Variants in KALRN observed in about 807,000 individuals in gnomAD.
KALRN encodes kalirin RhoGEF kinase, also known as kalirin.
A neutral mutation model predicts 353.7 loss-of-function variants in KALRN; 70 were observed. That is an observed-to-expected ratio of 0.20 (90% CI 0.16 to 0.24). KALRN has a LOEUF of 0.24. Among genes scored for constraint, KALRN ranks in the 10% least tolerant of loss-of-function variants. The pLI is 1.00. For missense variants in KALRN, 2,791 were observed against 3,756.7 expected, an observed-to-expected ratio of 0.74 and a Z score of 6.72; for synonymous variants, 1,391 against 1,434.8, an observed-to-expected ratio of 0.97 and a Z score of 0.69.
intron 13 of KALRN, among the ~76,000 whole-genome samples, chr3:124,408,501 T>C (rs572920351): frequency 3.3e-5 from 5 of 152,226 alleles, no homozygotes; most frequent in Non-Finnish European, 5.9e-5. Flanking sequence ...TTTCCTCCTA[T>C]AGTGCTATGA....
At position 124,574,559 on chromosome 3, in the gene KALRN, A is replaced by G. The variant is rs73191604; in HGVS notation, c.5182+11470A>G. 2.2e-3 allele frequency among the ~76,000 whole-genome samples: 338 copies of G among 152,310 alleles called. 2 individuals are homozygous for G. Among genetic ancestry groups the G allele is most frequent in the Admixed American group, 0.015 (236 of 15,308 alleles). On this transcript the variant is annotated intron_variant, in intron 34 of 59. Transcript: ENST00000682506. ...AGCTCAGAGCTAAAATGAGAGCCTC[A>G]GGATTTGATCCCAGAGAAGAAAGGC...
intron 37 of KALRN, 55 bp from the exon 38 acceptor site, chr3:124,650,753 T>C: frequency 6.4e-7 from 1 of 1,566,104 alleles, no homozygotes; most frequent in South Asian, 1.1e-5. Flanking sequence ...GACACAGGGA[T>C]TCCAAATGAC....
chr3:124,521,817 C>A (rs931441171), intron 33 of KALRN, among the ~76,000 whole-genome samples: 2 of 152,036 alleles, frequency 1.3e-5, no homozygotes, highest in African/African-American at 4.8e-5. Flanking sequence ...GTGTTTTGGT[C>A]TCACCCCAAT....
chr3:124,522,241 A>C (rs115341590), intron 33 of KALRN, among the ~76,000 whole-genome samples: 2 of 152,004 alleles, frequency 1.3e-5, no homozygotes, highest in Non-Finnish European at 2.9e-5. Context: ...ATACATATGT[A>C]AGACCTTCCT....
At chr3:124,438,239 G>A (rs905302914) in intron 17 of KALRN, among the ~76,000 whole-genome samples, 1 of 152,106 alleles carries the variant, frequency 6.6e-6, no homozygotes, top group Non-Finnish European at 1.5e-5. Flanking sequence ...AGGTCACTTA[G>A]CATGACCTCT....
chr3:124,277,417 G>T lies in KALRN; in HGVS notation c.969+8162G>T, dbSNP rs905988119. Among the ~76,000 whole-genome samples, 5 of 152,000 alleles carry T rather than the reference G, an allele frequency of 3.3e-5. No individual in the cohort carries two copies. The South Asian group carries it at 1.0e-3, about 32-fold the overall frequency. On this transcript the variant is annotated intron_variant, in intron 5 of 59. Transcript: ENST00000682506. ...GGGCAAGGAAGTGTGTCTGTATCCC[G>T]CCCCCTGACACAGAACACAGTGTCC...
At chr3:124,043,777 G>A (rs949627448) in intron 1 of KALRN, among the ~76,000 whole-genome samples, 8 of 152,188 alleles carry the variant, frequency 5.3e-5, no homozygotes, top group African/African-American at 1.9e-4. Flanking sequence ...CCGTTTAAAA[G>A]TGCTGGTGGC....
intron 1 of KALRN, chr3:124,162,859 G>A (rs2070198540): frequency 6.6e-6 from 1 of 152,196 alleles, no homozygotes; most frequent in Non-Finnish European, 1.5e-5. Flanking sequence ...TCATGTGTAG[G>A]AAGTGAAGTG....
At chr3:124,384,726 G>C in intron 10 of KALRN, 119 bp from the exon 11 acceptor site, 1 of 1,000,528 alleles carries the variant, frequency 1.0e-6, no homozygotes, top group Non-Finnish European at 1.4e-6. Context: ...CTCAGTGCCA[G>C]ATCAGGGAGC....
intron 10 of KALRN, among the ~76,000 whole-genome samples, chr3:124,379,583 C>G (rs2087047569): frequency 6.6e-6 from 1 of 152,226 alleles, no homozygotes; most frequent in Non-Finnish European, 1.5e-5. Flanking sequence ...AGTTCTCATT[C>G]TAAGTCTACT....
chr3:124,377,790 A>G (rs1047982963), intron 10 of KALRN, among the ~76,000 whole-genome samples: 12 of 152,160 alleles, frequency 7.9e-5, no homozygotes, highest in African/African-American at 2.9e-4. Flanking sequence ...TTATCAAATG[A>G]TAATATTATT....
chr3:124,355,532 T>G (rs2083290583), intron 10 of KALRN, among the ~76,000 whole-genome samples: 1 of 152,140 alleles, frequency 6.6e-6, no homozygotes, highest in Admixed American at 6.5e-5. Flanking sequence ...ATAAAAGGTA[T>G]AGTGAAGCCA....
intron 1 of KALRN, among the ~76,000 whole-genome samples, chr3:124,102,411 G>C (rs986660671): frequency 3.3e-5 from 5 of 152,028 alleles, no homozygotes; most frequent in Admixed American, 2.6e-4. Flanking sequence ...CAACCTCTTA[G>C]CCCTGATGTC....
intron 3 of KALRN, among the ~76,000 whole-genome samples, chr3:124,248,501 C>G (rs1373610): frequency 0.048 from 7,292 of 152,254 alleles, 716 homozygotes; most frequent in East Asian, 0.44. Context: ...CACCAAGGAG[C>G]TATATTCTTG....
chr3:124,496,382 G>T lies in KALRN; in HGVS notation c.4904G>T (p.Arg1635Met), dbSNP rs1354441367. The change falls in exon 33 of 60, where the codon AGG becomes ATG. Residue 1635 changes from arginine (R) to methionine (M), a missense_variant. Physicochemically the swap from Arg to Met is moderately conservative, Grantham distance 91. This residue lies in a region of KALRN where 239 missense variants were observed against 351.3 expected (regional missense o/e 0.68). Coordinates refer to ENST00000682506, the MANE Select transcript of KALRN (RefSeq NM_001388419.1). Reference sequence around the variant, plus strand: ...CCAGACACCATCTCCATTGCTTCTAGGACCTCTCAGAACACAGTGGACAGT... The same window carrying T: ...CCAGACACCATCTCCATTGCTTCTATGACCTCTCAGAACACAGTGGACAGT... ...SQPDTISIAS[R>M]TSQNTVDSDK... The T allele has an allele frequency of 2.5e-6, 4 of 1,613,490 alleles. 1 individual carries two copies. In the South Asian group the frequency reaches 4.4e-5, roughly 18 times the overall value.
intron 34 of KALRN, among the ~76,000 whole-genome samples, chr3:124,605,582 A>G (rs1431975165): frequency 1.1e-4 from 14 of 125,728 alleles, no homozygotes; most frequent in African/African-American, 4.9e-4. Flanking sequence ...AAAAAAAAAA[A>G]AAAAAGAGAG....
chr3:124,063,198 C>G (rs143677660), intron 1 of KALRN, among the ~76,000 whole-genome samples: 316 of 152,312 alleles, frequency 2.1e-3, no homozygotes, highest in Non-Finnish European at 3.4e-3. Context: ...CACTATATGC[C>G]AGTCAGTCTG....
At chr3:124,068,029 A>G (rs1272927097) in intron 1 of KALRN, among the ~76,000 whole-genome samples, 1 of 152,190 alleles carries the variant, frequency 6.6e-6, no homozygotes, top group African/African-American at 2.4e-5. Context: ...TCTGATTCCT[A>G]TGGGGCCCAG....
At chr3:124,288,962 C>A (rs2076188341) in intron 5 of KALRN, among the ~76,000 whole-genome samples, 1 of 152,116 alleles carries the variant, frequency 6.6e-6, no homozygotes, top group African/African-American at 2.4e-5. Context: ...AGTTTGTTTT[C>A]TGTTGCTATA....
Sources: allele counts gnomAD v4.1 joint callset (sites outside exome capture counted in the v4.1 genomes callset), GRCh38; gene constraint gnomAD v4.1.1; regional missense constraint gnomAD v4.1.1; transcripts MANE v1.5; gene names NCBI Gene and HGNC (gene_info 2026-07-23, HGNC 2026-07-21).